AQP3: variants seen among roughly 807,000 people sequenced by gnomAD.
AQP3 encodes aquaporin 3 (Gill blood group), also known as aquaporin-3.
A neutral mutation model predicts 30.3 loss-of-function variants in AQP3; 15 were observed. The ratio of observed to expected loss-of-function variants is 0.49; its 90% confidence interval spans 0.33 to 0.76. The LOEUF is 0.76. Among genes scored for constraint, AQP3 ranks in the 30% least tolerant of loss-of-function variants. The pLI is 0.02. For synonymous variants in AQP3, 153 were observed against 163.2 expected (o/e 0.94, Z 0.47); for missense variants, 272 against 384.8 (o/e 0.71, Z 2.45).
intron 1 of AQP3, among the ~76,000 whole-genome samples, chr9:33,446,822 G>A (rs566132199): frequency 1.3e-5 from 2 of 152,292 alleles, no homozygotes; most frequent in South Asian, 4.1e-4. Context: ...CGCGTCCTCT[G>A]TGCCTGGGCC....
Position 33,441,862 on chromosome 9 carries a change from G to A in AQP3, c.*181C>T. 2 of 977,114 alleles carry A rather than the reference G, an allele frequency of 2.0e-6. No individual in the cohort carries two copies. Among genetic ancestry groups the A allele is most frequent in the South Asian group, 1.5e-5 (1 of 64,522 alleles). 60.5% of individuals were successfully genotyped at this position (977,114 alleles called of 1,614,324 possible). A position where few individuals can be genotyped will look rare whatever the true frequency, so the allele number is the denominator to read the frequency against. On this transcript the variant is annotated 3_prime_UTR_variant, in exon 6 of 6. Transcript: ENST00000297991. ...CCCAGCTTAGGGGCAGTGGCCTAAG[G>A]TGCTATTTGGGCAAGGTCCAGTGGA...
chr9:33,444,065 A>T (rs529696596), intron 1 of AQP3, among the ~76,000 whole-genome samples, 173 bp from the exon 2 acceptor site: 1 of 152,238 alleles, frequency 6.6e-6, no homozygotes, highest in South Asian at 2.1e-4. Flanking sequence ...AAAAGGACAC[A>T]TGCCTTCCCA....
rs764631098 is a variant in AQP3, at chr9:33,443,800, G to A, written c.201C>T (p.Val67=). Residue 67 remains valine (V), a synonymous_variant, in exon 2 of 6, where the codon GTC becomes GTT. Coordinates refer to ENST00000297991, the MANE Select transcript of AQP3 (RefSeq NM_004925.5). This position sits in a 1 kb window ranked among gnomAD's most constrained non-coding sequence, Gnocchi z 5.0. ...LTINLAFGFA[V]TLGILIAGQV... is the part of the protein sequence containing the mutation. ...GGCCAGCGATGAGGATGCCCAGAGT[G>A]ACAGCAAAGCCAAAGGCCAGGTTGA... 2.5e-6 allele frequency: 4 copies of A among 1,614,048 alleles called. No homozygotes were observed. The Admixed American group carries it at 6.7e-5, about 27-fold the overall frequency.
At position 33,444,000 on chromosome 9, in the gene AQP3, A is replaced by T. The variant is rs370851349; in HGVS notation, c.109-108T>A. On this transcript the variant is annotated intron_variant, in intron 1 of 5. Coordinates refer to ENST00000297991, the MANE Select transcript of AQP3 (RefSeq NM_004925.5). The surrounding 1 kb of genome is among the most constrained non-coding windows in gnomAD (Gnocchi z 5.0). Reference sequence around the variant, plus strand: ...CACTCGCCACCACTGGGAGGACTAGAGGCGCTTCCTGGAACCCAGCCCAAA... The same window carrying T: ...CACTCGCCACCACTGGGAGGACTAGTGGCGCTTCCTGGAACCCAGCCCAAA... 1.5e-5 allele frequency: 21 copies of T among 1,431,726 alleles called. No individual in the cohort carries two copies. The highest frequency in any genetic ancestry group is 1.3e-4 in the Admixed American group (6 of 46,850). 88.7% of individuals were successfully genotyped at this position (1,431,726 alleles called of 1,614,324 possible). A position where few individuals can be genotyped will look rare whatever the true frequency, so the allele number is the denominator to read the frequency against.
chr9:33,446,832 C>A (rs954030599), intron 1 of AQP3, among the ~76,000 whole-genome samples: 1 of 152,208 alleles, frequency 6.6e-6, no homozygotes, highest in Non-Finnish European at 1.5e-5. Flanking sequence ...GTGCCTGGGC[C>A]TAGCTTCCTC....
Position 33,443,906 on chromosome 9 carries a change from G to C in AQP3, c.109-14C>G, listed in dbSNP as rs759157377. On this transcript the variant is annotated splice_polypyrimidine_tract_variant and intron_variant, in intron 1 of 5. Transcript: ENST00000297991. This position sits in a 1 kb window ranked among gnomAD's most constrained non-coding sequence, Gnocchi z 5.0. ...ACAGCCAAACATCTGTCAGGAAGAA[G>C]AACAGGCAGGGAGGGTGAGGACCAG... 5 of 1,612,482 alleles carry C rather than the reference G, an allele frequency of 3.1e-6. No homozygotes were observed. The highest frequency in any genetic ancestry group is 1.1e-5 in the South Asian group (1 of 90,950).
At chr9:33,444,611 A>G (rs1351652223) in intron 1 of AQP3, among the ~76,000 whole-genome samples, 2 of 151,866 alleles carry the variant, frequency 1.3e-5, no homozygotes, top group African/African-American at 4.8e-5. Flanking sequence ...AAAAAAAAAA[A>G]AAAAGAGTTG....
intron 1 of AQP3, among the ~76,000 whole-genome samples, chr9:33,445,148 G>C (rs184834796): frequency 6.6e-6 from 1 of 152,218 alleles, no homozygotes; most frequent in Admixed American, 6.5e-5. Flanking sequence ...AAAAGAAAAA[G>C]AACGTACTAT....
chr9:33,445,209 C>T (rs1826897889), intron 1 of AQP3, among the ~76,000 whole-genome samples: 1 of 152,202 alleles, frequency 6.6e-6, no homozygotes, highest in Non-Finnish European at 1.5e-5. Flanking sequence ...AGCTGTAAAG[C>T]ATTGTTGCCC....
intron 1 of AQP3, among the ~76,000 whole-genome samples, chr9:33,444,321 C>G (rs1296747355): frequency 6.6e-5 from 10 of 152,182 alleles, no homozygotes. Context: ...CTCATGTAGG[C>G]CCGGTGCAGT....
chr9:33,442,914 C>CT lies in AQP3; in HGVS notation c.429dup (p.Ala144SerfsTer20), dbSNP rs1275018837. ...GAGGGGTAGGTAGCAAAGATGCCGGCTGTGCCATTGGGGCCCGAAACAAAA... is the reference window on the plus strand; with the variant it reads ...GAGGGGTAGGTAGCAAAGATGCCGGCTTGTGCCATTGGGGCCCGAAACAAAA... On this transcript the variant is annotated frameshift_variant, in exon 4 of 6. Transcript: ENST00000297991. LOFTEE classifies it high-confidence loss of function. 1.2e-6 allele frequency: 2 copies of CT among 1,614,132 alleles called. No individual in the cohort carries two copies. The highest frequency in any genetic ancestry group is 1.7e-6 in the Non-Finnish European group (2 of 1,180,050).
intron 1 of AQP3, among the ~76,000 whole-genome samples, chr9:33,446,170 G>T (rs34707275): frequency 1.3e-5 from 2 of 152,350 alleles, no homozygotes; most frequent in African/African-American, 4.8e-5. Flanking sequence ...TCCGAGGCAG[G>T]AGAGTGATAA....
intron 1 of AQP3, among the ~76,000 whole-genome samples, chr9:33,445,237 C>T (rs187694928): frequency 6.6e-6 from 1 of 152,170 alleles, no homozygotes; most frequent in East Asian, 1.9e-4. Flanking sequence ...CCTGAGTGTC[C>T]CTCAAAGCTG....
At position 33,441,714 on chromosome 9, in the gene AQP3, CA is replaced by C; in HGVS notation, c.*328del. 3.7e-5 allele frequency: 15 copies of C among 402,302 alleles called. No individual in the cohort carries two copies. The highest frequency in any genetic ancestry group is 6.8e-5 in the East Asian group (2 of 29,348). The allele number at this position is 402,302 out of a possible 1,614,324, so 24.9% of individuals were successfully genotyped here. On this transcript the variant is annotated 3_prime_UTR_variant, in exon 6 of 6. Transcript: ENST00000297991. ...CCTGAATATCTGGGAACCCCCCCCACACACACACACCCCTGCACACACATGC... is the reference window on the plus strand; with the variant it reads ...CCTGAATATCTGGGAACCCCCCCCACCACACACACCCCTGCACACACATGC...
At position 33,443,134 on chromosome 9, in the gene AQP3, ACT is replaced by A; in HGVS notation, c.374-166_374-165del. Reference sequence around the variant, plus strand: ...CGTGGGGTGGGGTGGAGGGCCTGAGACTCTGTTATTGCCCAACTTGTTTCTTT... The same window carrying A: ...CGTGGGGTGGGGTGGAGGGCCTGAGACTGTTATTGCCCAACTTGTTTCTTT... On this transcript the variant is annotated intron_variant, in intron 3 of 5. Transcript: ENST00000297991. The surrounding 1 kb of genome is among the most constrained non-coding windows in gnomAD (Gnocchi z 5.0). 1 of 1,083,850 alleles carries A rather than the reference ACT, an allele frequency of 9.2e-7. No individual in the cohort carries two copies. Among genetic ancestry groups the A allele is most frequent in the South Asian group, 1.4e-5 (1 of 69,326 alleles). The allele number at this position is 1,083,850 out of a possible 1,614,324, so 67.1% of individuals were successfully genotyped here. A position where few individuals can be genotyped will look rare whatever the true frequency, so the allele number is the denominator to read the frequency against.
rs1826836400 is a variant in AQP3 at position 33,441,749 on chromosome 9, G to A, written c.*294C>T. On this transcript the variant is annotated 3_prime_UTR_variant, in exon 6 of 6. Coordinates refer to ENST00000297991, the MANE Select transcript of AQP3 (RefSeq NM_004925.5). Reference sequence around the variant, plus strand: ...CCCCTGCACACACATGCACACACATGCACACACATGCACACACACACATAC... The same window carrying A: ...CCCCTGCACACACATGCACACACATACACACACATGCACACACACACATAC... 1.8e-6 allele frequency: 1 copy of A among 561,294 alleles called. No homozygotes were observed. Among genetic ancestry groups the A allele is most frequent in the Non-Finnish European group, 3.1e-6 (1 of 318,722 alleles). The allele number at this position is 561,294 out of a possible 1,614,324, so 34.8% of individuals were successfully genotyped here.
intron 4 of AQP3, 73 bp downstream of exon 4, chr9:33,442,779 C>G: frequency 6.9e-7 from 1 of 1,444,022 alleles, no homozygotes; most frequent in South Asian, 1.1e-5. Context: ...GTCCTGTCCC[C>G]CAACCAGCCC....
rs576431609 is a variant in AQP3, at chr9:33,445,425, C to T, written c.109-1533G>A. Among the ~76,000 whole-genome samples, 16 of 152,284 alleles carry T rather than the reference C, an allele frequency of 1.1e-4. No homozygotes were observed. The Middle Eastern group carries it at 0.01, about 97-fold the overall frequency. Reference sequence around the variant, plus strand: ...TCATCCCAGAAAGACCAAGAGATAACGGAGAAGCCAGCGGCAATGACATGG... The same window carrying T: ...TCATCCCAGAAAGACCAAGAGATAATGGAGAAGCCAGCGGCAATGACATGG... On this transcript the variant is annotated intron_variant, in intron 1 of 5. Coordinates refer to ENST00000297991, the MANE Select transcript of AQP3 (RefSeq NM_004925.5).
chr9:33,446,620 G>A (rs1246610677), intron 1 of AQP3, among the ~76,000 whole-genome samples: 25 of 152,204 alleles, frequency 1.6e-4, no homozygotes, highest in Admixed American at 1.6e-3. Context: ...TGAAACTGGT[G>A]TGACCAAGGA....
Sources: allele counts gnomAD v4.1 joint callset (sites outside exome capture counted in the v4.1 genomes callset), GRCh38; gene constraint gnomAD v4.1.1; non-coding constraint Gnocchi (gnomAD v3.1); transcripts MANE v1.5; gene names NCBI Gene and HGNC (gene_info 2026-07-23, HGNC 2026-07-21).